Variants in FSTL4 observed in about 807,000 individuals in gnomAD.
FSTL4 encodes the protein follistatin-related protein 4.
Under a neutral mutation model 78.2 loss-of-function variants are expected in FSTL4, and 28 were observed. The ratio of observed to expected loss-of-function variants is 0.36; its 90% CI spans 0.27 to 0.49. The LOEUF (loss-of-function observed/expected upper bound fraction) is 0.49. FSTL4 is among the 20% of genes least tolerant of loss of function. The pLI is 0.98. For synonymous variants in FSTL4, 422 were observed against 440.5 expected (o/e 0.96, Z 0.53); for missense variants, 922 against 1,084.9 (o/e 0.85, Z 2.11).
intron 3 of FSTL4, among the ~76,000 whole-genome samples, chr5:133,408,469 T>G (rs1756411367): frequency 6.6e-6 from 1 of 150,580 alleles, no homozygotes; most frequent in African/African-American, 2.4e-5. Flanking sequence ...CCTGGGAAAG[T>G]CCCCTGGTGG....
intron 3 of FSTL4, among the ~76,000 whole-genome samples, chr5:133,492,189 T>G (rs920955984): frequency 5.3e-5 from 8 of 152,196 alleles, no homozygotes; most frequent in African/African-American, 1.7e-4. Context: ...AAGCATAAAA[T>G]TCTTTAGTAC....
the FSTL4 span, among the ~76,000 whole-genome samples, chr5:133,682,399 T>C: frequency 6.6e-6 from 1 of 152,242 alleles, no homozygotes; most frequent in Non-Finnish European, 1.5e-5. Context: ...AGGGACTGCC[T>C]TGAATTCATG....
At chr5:133,685,743 CCAGTG>C in the FSTL4 span, among the ~76,000 whole-genome samples, 1 of 152,210 alleles carries the variant, frequency 6.6e-6, no homozygotes, top group African/African-American at 2.4e-5. Context: ...GGGCTTATGG[CCAGTG>C]CTGGCAGGAG....
chr5:133,398,005 G>A (rs1460411657), intron 4 of FSTL4, among the ~76,000 whole-genome samples: 26 of 152,102 alleles, frequency 1.7e-4, no homozygotes, highest in Admixed American at 1.7e-3. Flanking sequence ...TGTGGGGTGG[G>A]GACTGTAGGA....
intron 14 of FSTL4, among the ~76,000 whole-genome samples, chr5:133,204,601 G>A (rs1381018275): frequency 6.6e-6 from 1 of 152,108 alleles, no homozygotes; most frequent in African/African-American, 2.4e-5. Context: ...GGAAGCTGAG[G>A]CGGGCAGATC....
At chr5:133,239,127 T>C (rs1285408916) in intron 7 of FSTL4, among the ~76,000 whole-genome samples, 1 of 152,192 alleles carries the variant, frequency 6.6e-6, no homozygotes, top group East Asian at 1.9e-4. Context: ...GCTTAGCACC[T>C]GGGCCAGCAG....
Position 133,210,249 on chromosome 5 carries a change from T to A in FSTL4, c.1658A>T (p.His553Leu). Residue 553 changes from histidine to leucine, a missense_variant, in exon 14 of 16, where the codon CAT becomes CTT. Coordinates refer to ENST00000265342, the MANE Select transcript of FSTL4 (RefSeq NM_015082.2). ...LPAKLSYDKS[H>L]DQVWVLSWGD... Reference sequence around the variant, plus strand: ...CCAGCTCAGGACCCACACTTGGTCATGTGACTTGTCATAGGACAGCTTAGC... The same window carrying A: ...CCAGCTCAGGACCCACACTTGGTCAAGTGACTTGTCATAGGACAGCTTAGC... 8 of 1,613,112 alleles carry A rather than the reference T, an allele frequency of 5.0e-6. No homozygotes were observed. Among genetic ancestry groups the A allele is most frequent in the Non-Finnish European group, 6.8e-6 (8 of 1,179,248 alleles).
the FSTL4 span, among the ~76,000 whole-genome samples, chr5:133,699,773 C>A: frequency 4.0e-4 from 58 of 145,494 alleles, no homozygotes; most frequent in Non-Finnish European, 6.6e-4. Context: ...CCCAGCTACT[C>A]GGGAGGCTGA....
At chr5:133,372,273 C>G (rs62375992) in intron 4 of FSTL4, among the ~76,000 whole-genome samples, 8,249 of 59,760 alleles carry the variant, frequency 0.14, 320 homozygotes, top group Non-Finnish European at 0.22. Context: ...ATGTATGTAT[C>G]TATCTATCTA....
intron 6 of FSTL4, among the ~76,000 whole-genome samples, chr5:133,269,024 A>G (rs1017043891): frequency 1.3e-5 from 2 of 152,070 alleles, no homozygotes; most frequent in Non-Finnish European, 2.9e-5. Flanking sequence ...TACTAAAAAT[A>G]CAAAAAAATT....
At chr5:133,264,519 G>A (rs1282514101) in intron 6 of FSTL4, among the ~76,000 whole-genome samples, 1 of 152,222 alleles carries the variant, frequency 6.6e-6, no homozygotes, top group East Asian at 1.9e-4. Context: ...GCCGTTCCTG[G>A]TGGTGGAGGG....
intron 3 of FSTL4, among the ~76,000 whole-genome samples, chr5:133,509,205 C>G (rs1460110136): frequency 6.6e-6 from 1 of 152,184 alleles, no homozygotes; most frequent in East Asian, 1.9e-4. Context: ...CAGAGCTGCC[C>G]TGCTACACTG....
intron 3 of FSTL4, among the ~76,000 whole-genome samples, chr5:133,527,011 G>T (rs1759144024): frequency 6.6e-6 from 1 of 152,140 alleles, no homozygotes; most frequent in African/African-American, 2.4e-5. Flanking sequence ...CACAATCACT[G>T]TGGATGAGGA....
At chr5:133,229,979 T>C (rs1277012904) in intron 8 of FSTL4, among the ~76,000 whole-genome samples, 2 of 152,146 alleles carry the variant, frequency 1.3e-5, no homozygotes, top group Admixed American at 1.3e-4. Flanking sequence ...ATTGTCAGAA[T>C]AGGGAACAGA....
intron 3 of FSTL4, among the ~76,000 whole-genome samples, chr5:133,427,262 T>C (rs1174920713): frequency 6.6e-6 from 1 of 152,136 alleles, no homozygotes; most frequent in African/African-American, 2.4e-5. Flanking sequence ...CCCAGCACAG[T>C]GTGGGCCACC....
rs538099911 is a variant in FSTL4 at position 133,459,352 on chromosome 5, C to T, written c.161-58366G>A. ...AGAGGGAAGCCCCCATCAGCCACCA[C>T]CCATGAAGAGTCTGCATGTGGAATT... On this transcript the variant is annotated intron_variant, in intron 3 of 15. Coordinates refer to ENST00000265342, the MANE Select transcript of FSTL4 (RefSeq NM_015082.2). Among the ~76,000 whole-genome samples the T allele has an allele frequency of 2.0e-5, 3 of 151,998 alleles. No homozygotes were observed. In the South Asian group the frequency reaches 6.2e-4, roughly 32 times the overall value.
intron 3 of FSTL4, among the ~76,000 whole-genome samples, chr5:133,420,559 G>A (rs1382660322): frequency 2.6e-5 from 4 of 152,208 alleles, no homozygotes; most frequent in African/African-American, 4.8e-5. Context: ...TCTAGGCTCT[G>A]AAGATGAAGG....
chr5:133,712,404 G>C, the FSTL4 span, among the ~76,000 whole-genome samples: 1 of 152,200 alleles, frequency 6.6e-6, no homozygotes, highest in Admixed American at 6.5e-5. Flanking sequence ...GGTGCCCCTA[G>C]ATAGGCAGTC....
At chr5:133,647,768 C>A in the FSTL4 span, among the ~76,000 whole-genome samples, 1 of 152,160 alleles carries the variant, frequency 6.6e-6, no homozygotes, top group East Asian at 1.9e-4. Flanking sequence ...TCATGCCCAA[C>A]TCTAACATTC....
Sources: allele counts gnomAD v4.1 joint callset (sites outside exome capture counted in the v4.1 genomes callset), GRCh38; gene constraint gnomAD v4.1.1; transcripts MANE v1.5; gene names NCBI Gene and HGNC (gene_info 2026-07-23, HGNC 2026-07-21).